Variants in AGGF1 observed in about 807,000 individuals in gnomAD.
The protein encoded by AGGF1 is angiogenic factor with G-patch and FHA domains 1, also known as angiogenic factor with G patch and FHA domains 1.
A neutral mutation model predicts 86.5 loss-of-function variants in AGGF1; 56 were observed. The ratio of observed to expected loss-of-function variants is 0.65; its 90% CI spans 0.52 to 0.81. AGGF1 has a LOEUF of 0.81. Ranked by LOEUF, AGGF1 falls within the 30% of genes least tolerant of loss-of-function variation. The pLI is 0.00. For missense variants in AGGF1, 816 were observed against 850.9 expected, an observed-to-expected ratio of 0.96 and a Z score of 0.51; for synonymous variants, 313 against 297.1, an observed-to-expected ratio of 1.05 and a Z score of -0.55.
intron 4 of AGGF1, 143 bp downstream of exon 4, chr5:77,036,863 A>C: frequency 1.1e-6 from 1 of 911,694 alleles, no homozygotes. Flanking sequence ...TCAGCATCCC[A>C]AGTAGCTGGG....
intron 6 of AGGF1, among the ~76,000 whole-genome samples, chr5:77,047,521 G>GC: frequency 6.6e-6 from 1 of 152,156 alleles, no homozygotes; most frequent in Non-Finnish European, 1.5e-5. Context: ...CATTTCTCTT[G>GC]CATTTTTTTT....
At chr5:77,039,405 C>A in intron 4 of AGGF1, 126 bp from the exon 5 acceptor site, 3 of 723,786 alleles carry the variant, frequency 4.1e-6, no homozygotes, top group South Asian at 2.2e-5. Flanking sequence ...ATCTTTAATT[C>A]ATTGTCTTCT....
chr5:77,052,336 G>A (rs1380662366), intron 8 of AGGF1, among the ~76,000 whole-genome samples: 2 of 151,686 alleles, frequency 1.3e-5, no homozygotes, highest in Non-Finnish European at 2.9e-5. Flanking sequence ...CTGGGTGACA[G>A]AGCGAGACCC....
At chr5:77,040,291 A>G (rs1463024221) in intron 5 of AGGF1, among the ~76,000 whole-genome samples, 3 of 151,916 alleles carry the variant, frequency 2.0e-5, no homozygotes, top group Non-Finnish European at 4.4e-5. Context: ...TTGTAATCTT[A>G]GTAGAGACGG....
chr5:77,053,907 G>A (rs111912951), intron 9 of AGGF1, 58 bp from the exon 10 acceptor site: 2 of 1,532,666 alleles, frequency 1.3e-6, no homozygotes, highest in Non-Finnish European at 1.8e-6. Flanking sequence ...TACAGTAGAT[G>A]TAAGGTAACC....
At chr5:77,054,165 AT>A (rs1246364704) in intron 10 of AGGF1, 35 bp downstream of exon 10, 1 of 1,612,812 alleles carries the variant, frequency 6.2e-7, no homozygotes, top group East Asian at 2.2e-5. Context: ...CTGTGATAAC[AT>A]TTCTCTTTCA....
Position 77,035,685 on chromosome 5 carries a change from C to G in AGGF1, c.458C>G (p.Thr153Ser), listed in dbSNP as rs557886707. Reference protein sequence around the residue: ...LQVENDAYPGTDRTENVKYRQ... With the variant: ...LQVENDAYPGSDRTENVKYRQ... ...GTAGAAAATGATGCTTACCCTGGTA[C>G]CGATAGAACAGAAAATGTTAAATAT... Residue 153 changes from threonine (T) to serine (S), a missense_variant, in exon 3 of 14, where the codon ACC (threonine) becomes AGC (serine). Around this residue, in one of 3 missense-constraint regions of AGGF1, gnomAD observed 240 missense variants for 234.4 expected, o/e 1.02. Coordinates refer to ENST00000312916, the MANE Select transcript of AGGF1 (RefSeq NM_018046.5). The G allele has an allele frequency of 6.2e-7, 1 of 1,613,568 alleles. No homozygotes were observed.
rs915809152 is a variant in AGGF1, at chr5:77,038,757, G to A, written c.682-774G>A. On this transcript the variant is annotated intron_variant, in intron 4 of 13. Transcript: ENST00000312916. ...TTAAAGATGTTTCCGGGTCTGGTCT[G>A]CATGGATTTAGGATGTAAATAAAAT... Among the ~76,000 whole-genome samples, 4 of 152,252 alleles carry A rather than the reference G, an allele frequency of 2.6e-5. No homozygotes were observed. The East Asian group carries it at 7.7e-4, about 29-fold the overall frequency.
chr5:77,031,022 G>A, intron 1 of AGGF1, 46 bp downstream of exon 1: 2 of 1,598,536 alleles, frequency 1.3e-6, no homozygotes, highest in Non-Finnish European at 1.7e-6. Context: ...CCCAGGCGAG[G>A]CCTTCGAAGC....
intron 4 of AGGF1, among the ~76,000 whole-genome samples, chr5:77,038,957 A>G (rs930788690): frequency 6.6e-6 from 1 of 152,182 alleles, no homozygotes; most frequent in Admixed American, 6.5e-5. Context: ...GAGACAGTTT[A>G]TTGATTGCAT....
At chr5:77,057,953 C>G (rs1282212302) in intron 11 of AGGF1, among the ~76,000 whole-genome samples, 2 of 152,044 alleles carry the variant, frequency 1.3e-5, no homozygotes, top group Non-Finnish European at 2.9e-5. Flanking sequence ...CTGTTCTGCA[C>G]CATTTATGTA....
chr5:77,036,842 A>C, intron 4 of AGGF1, 122 bp downstream of exon 4: 15 of 1,065,960 alleles, frequency 1.4e-5, no homozygotes, highest in Non-Finnish European at 1.4e-6. Context: ...GGTTCAAGTG[A>C]TTCTTATGTC....
chr5:77,032,029 T>C (rs2150725646), intron 1 of AGGF1, among the ~76,000 whole-genome samples: 1 of 152,212 alleles, frequency 6.6e-6, no homozygotes, highest in Non-Finnish European at 1.5e-5. Context: ...TCCTTCATAA[T>C]TTATTGGTGG....
intron 1 of AGGF1, 121 bp downstream of exon 1, chr5:77,031,097 ATAAG>A (rs1746842156): frequency 1.9e-6 from 2 of 1,059,204 alleles, no homozygotes; most frequent in Non-Finnish European, 2.8e-6. Flanking sequence ...CTTAAAGTAA[ATAAG>A]TAGAAGCTCA....
At chr5:77,053,879 T>G (rs1580134400) in intron 9 of AGGF1, 86 bp from the exon 10 acceptor site, 11 of 1,350,368 alleles carry the variant, frequency 8.1e-6, no homozygotes, top group Non-Finnish European at 1.1e-5. Flanking sequence ...ATTTTAAAAA[T>G]TATAATCAGA....
Position 77,063,209 on chromosome 5 carries a change from A to G in AGGF1, c.2102A>G (p.Asp701Gly). The change falls in exon 14 of 14, where the codon GAT (aspartate) becomes GGT (glycine). Residue 701 changes from aspartate to glycine, a missense_variant. Asp to Gly is a moderately conservative substitution (Grantham distance 94). Around this residue, in one of 3 missense-constraint regions of AGGF1, gnomAD observed 565 missense variants for 585.8 expected, o/e 0.96. Transcript: ENST00000312916. ...TTCCCAGAAACTAAGCCTCAAAAAGATGACCCAGGGACCATGCCTTGGGTA... is the reference window on the plus strand; with the variant it reads ...TTCCCAGAAACTAAGCCTCAAAAAGGTGACCCAGGGACCATGCCTTGGGTA... ...ENFPETKPQK[D>G]DPGTMPWVKG... The G allele has an allele frequency of 6.2e-7, 1 of 1,613,998 alleles. No homozygotes were observed. Among genetic ancestry groups the G allele is most frequent in the Non-Finnish European group, 8.5e-7 (1 of 1,179,910 alleles).
At chr5:77,056,056 C>A (rs932370904) in intron 11 of AGGF1, among the ~76,000 whole-genome samples, 1 of 151,910 alleles carries the variant, frequency 6.6e-6, no homozygotes, top group African/African-American at 2.4e-5. Context: ...ACTAATATGA[C>A]CTGATGTAAA....
At chr5:77,042,615 C>T (rs1402670789) in intron 5 of AGGF1, among the ~76,000 whole-genome samples, 1 of 47,832 alleles carries the variant, frequency 2.1e-5, no homozygotes, top group African/African-American at 6.4e-5. Flanking sequence ...CCGGACGTGG[C>T]GGCTGGCCGG....
intron 5 of AGGF1, among the ~76,000 whole-genome samples, chr5:77,040,780 A>T (rs1378630695): frequency 6.6e-6 from 1 of 152,186 alleles, no homozygotes; most frequent in African/African-American, 2.4e-5. Flanking sequence ...TTGAAATTTT[A>T]TCTCATGGTT....
Sources: allele counts gnomAD v4.1 joint callset (sites outside exome capture counted in the v4.1 genomes callset), GRCh38; gene constraint gnomAD v4.1.1; regional missense constraint gnomAD v4.1.1; transcripts MANE v1.5; gene names NCBI Gene and HGNC (gene_info 2026-07-23, HGNC 2026-07-21).